TMEM232: variants seen among roughly 807,000 people sequenced by gnomAD.
The protein encoded by TMEM232 is transmembrane protein 232.
A neutral mutation model predicts 78.8 loss-of-function variants in TMEM232; 80 were observed. That is an observed-to-expected ratio of 1.01 (90% confidence interval 0.85 to 1.22). The LOEUF is 1.22. TMEM232 is among the 50% of genes most tolerant of loss of function. The probability of loss-of-function intolerance (pLI) is 0.00; values close to 1 mark genes in which losing one functional copy is unlikely to be tolerated. For synonymous variants in TMEM232, 297 were observed against 254.3 expected, an observed-to-expected ratio of 1.17 and a Z score of -1.60; for missense variants, 881 against 742.2, an observed-to-expected ratio of 1.19 and a Z score of -2.17.
chr5:110,676,230 T>C (rs113694874), intron 1 of TMEM232, among the ~76,000 whole-genome samples: 18 of 152,332 alleles, frequency 1.2e-4, no homozygotes, highest in African/African-American at 4.3e-4. Flanking sequence ...GCAATGAACA[T>C]GGGAGTGCAG....
chr5:110,417,195 T>C (rs1300604997), downstream of TMEM232, among the ~76,000 whole-genome samples: 1 of 152,186 alleles, frequency 6.6e-6, no homozygotes, highest in African/African-American at 2.4e-5. Context: ...GAAAGAAGTT[T>C]TAGATAGAAC....
intron 13 of TMEM232, among the ~76,000 whole-genome samples, chr5:110,424,424 G>A (rs1235529492): frequency 1.3e-5 from 2 of 152,082 alleles, no homozygotes; most frequent in African/African-American, 2.4e-5. Flanking sequence ...CTCATACTAA[G>A]AACAAAGTGA....
intron 6 of TMEM232, among the ~76,000 whole-genome samples, chr5:110,627,479 A>T (rs1022843250): frequency 2.4e-4 from 37 of 152,060 alleles, no homozygotes; most frequent in African/African-American, 8.9e-4. Context: ...AGGTCTAGTG[A>T]TCTATTTCAC....
intron 3 of TMEM232, among the ~76,000 whole-genome samples, chr5:110,391,326 T>TGTGTGTGAGAGAGAGAGAGAGGGAGAGA (rs549361387): frequency 2.9e-5 from 4 of 139,924 alleles, no homozygotes; most frequent in African/African-American, 1.2e-4. Context: ...TGTGTGTGTG[T>TGTGTGTGAGAGAGAGAGAGAGGGAGAGA]GAGAGAGAGA....
rs986829981 is a variant in TMEM232, at chr5:110,680,698, C to T, written c.-12-13334G>A. On this transcript the variant is annotated intron_variant, in intron 1 of 13. Coordinates refer to ENST00000455884, the MANE Select transcript of TMEM232 (RefSeq NM_001039763.4). The stretch of plus-strand genomic sequence containing the variant: ...TATAGGATGAGCATGCTAGATATGT[C>T]TTTTTTTGGAAAAAAAATAGAAAAT... Among the ~76,000 whole-genome samples the T allele has an allele frequency of 5.3e-5, 8 of 151,626 alleles. No homozygotes were observed. In the South Asian group the frequency reaches 1.2e-3, roughly 24 times the overall value.
rs1315478114 is a variant in TMEM232, at chr5:110,683,425, TAGAG to T, written c.-12-16065_-12-16062del. On this transcript the variant is annotated intron_variant, in intron 1 of 13. Coordinates refer to ENST00000455884, the MANE Select transcript of TMEM232 (RefSeq NM_001039763.4). ...ATGTTGTGGCCTTGTAATATATATA[TAGAG>T]AGAGAGTACATGTGATTCTCTTAGA... Among the ~76,000 whole-genome samples the T allele has an allele frequency of 4.0e-5, 6 of 151,482 alleles. No individual in the cohort carries two copies. The East Asian group carries it at 1.2e-3, about 29-fold the overall frequency.
At chr5:110,618,114 G>T in intron 8 of TMEM232, 1 of 249,184 alleles carries the variant, frequency 4.0e-6, no homozygotes, top group East Asian at 1.2e-4. Flanking sequence ...CACTGCTTTT[G>T]TTTAACAACT....
At chr5:110,709,318 C>A (rs1796242030) in intron 1 of TMEM232, among the ~76,000 whole-genome samples, 1 of 152,088 alleles carries the variant, frequency 6.6e-6, no homozygotes, top group Non-Finnish European at 1.5e-5. Context: ...CAGCATTAGA[C>A]ACATCTTCCA....
At chr5:110,395,352 ATTC>A (rs1755344803) in intron 3 of TMEM232, among the ~76,000 whole-genome samples, 1 of 152,106 alleles carries the variant, frequency 6.6e-6, no homozygotes, top group African/African-American at 2.4e-5. Flanking sequence ...TGATGAGTGA[ATTC>A]TTCTGTCTTT....
At chr5:110,487,294 C>T (rs1056944209) in intron 12 of TMEM232, among the ~76,000 whole-genome samples, 3 of 151,928 alleles carry the variant, frequency 2.0e-5, no homozygotes, top group Non-Finnish European at 4.4e-5. Flanking sequence ...ATTTGGATGC[C>T]CTTTATTTCT....
chr5:110,624,652 T>C lies in TMEM232; in HGVS notation c.768+615A>G, dbSNP rs1784187652. ...TACTCAGTAAATGTCACTTGTTATA[T>C]AAATGGTGAACTAGTAATTTGCCAA... On this transcript the variant is annotated intron_variant, in intron 7 of 13. Transcript: ENST00000455884. Among the ~76,000 whole-genome samples, 3 of 152,220 alleles carry C rather than the reference T, an allele frequency of 2.0e-5. No individual in the cohort carries two copies. The East Asian group carries it at 5.8e-4, about 29-fold the overall frequency.
chr5:110,489,913 CAA>C (rs934071868), intron 12 of TMEM232, among the ~76,000 whole-genome samples: 1 of 151,850 alleles, frequency 6.6e-6, no homozygotes, highest in Non-Finnish European at 1.5e-5. Flanking sequence ...ATCACAAGGT[CAA>C]GAGATTGAGA....
chr5:110,695,019 A>T (rs1306845199), intron 1 of TMEM232, among the ~76,000 whole-genome samples: 5 of 152,184 alleles, frequency 3.3e-5, no homozygotes, highest in African/African-American at 1.2e-4. Flanking sequence ...GCACCACACC[A>T]CACCTATTCC....
At chr5:110,487,945 C>A (rs1019744152) in intron 12 of TMEM232, among the ~76,000 whole-genome samples, 3 of 151,224 alleles carry the variant, frequency 2.0e-5, no homozygotes, top group Admixed American at 6.6e-5. Flanking sequence ...TACCACCATT[C>A]TTCTTTGAAT....
chr5:110,528,627 A>G lies in TMEM232; in HGVS notation c.1664T>C (p.Leu555Pro), dbSNP rs1246444895. 8 of 1,533,072 alleles carry G rather than the reference A, an allele frequency of 5.2e-6. No homozygotes were observed. Among genetic ancestry groups the G allele is most frequent in the Non-Finnish European group, 7.0e-6 (8 of 1,145,380 alleles). The allele number at this position is 1,533,072 out of a possible 1,614,324, so 95.0% of individuals were successfully genotyped here. A position where few individuals can be genotyped will look rare whatever the true frequency, so the allele number is the denominator to read the frequency against. ...TAGAACTTGCTTTTTCACAGACTCC[A>G]GCTTTTTATTTGGATATTTTGTTTG... ...KDQTKYPNKK[L>P]ESVKKQVLHF... Residue 555 changes from leucine (L) to proline (P), a missense_variant, in exon 12 of 14, where the codon CTG becomes CCG. Physicochemically the swap from Leu to Pro is moderately conservative, Grantham distance 98 (BLOSUM62 -3). Transcript: ENST00000455884.
intron 4 of TMEM232, among the ~76,000 whole-genome samples, chr5:110,388,581 A>G (rs2112552630): frequency 6.6e-6 from 1 of 152,158 alleles, no homozygotes; most frequent in Admixed American, 6.5e-5. Flanking sequence ...CTCCTATATC[A>G]CTTGCTTCAT....
At chr5:110,689,949 C>T (rs994487624) in intron 1 of TMEM232, among the ~76,000 whole-genome samples, 3 of 152,162 alleles carry the variant, frequency 2.0e-5, no homozygotes, top group African/African-American at 7.2e-5. Flanking sequence ...AAAACTGAAA[C>T]TGGACCCCTT....
At chr5:110,583,966 C>CAAAAAAAAAAAAAA (rs60079206) in intron 10 of TMEM232, among the ~76,000 whole-genome samples, 2 of 99,084 alleles carry the variant, frequency 2.0e-5, no homozygotes, top group Non-Finnish European at 2.2e-5. Context: ...TATCTATTAT[C>CAAAAAAAAAAAAAA]AAAAAAAAAA....
intron 5 of TMEM232, among the ~76,000 whole-genome samples, chr5:110,636,360 A>C (rs1213104689): frequency 6.6e-6 from 1 of 151,976 alleles, no homozygotes; most frequent in Non-Finnish European, 1.5e-5. Context: ...GGGTGACTAT[A>C]CTTACCAACA....
Sources: allele counts gnomAD v4.1 joint callset (sites outside exome capture counted in the v4.1 genomes callset), GRCh38; gene constraint gnomAD v4.1.1; transcripts MANE v1.5; gene names NCBI Gene and HGNC (gene_info 2026-07-23, HGNC 2026-07-21).